Variants in NBEA observed in about 807,000 individuals in gnomAD.
NBEA encodes the protein lysosomal-trafficking regulator 2.
In NBEA, 44 loss-of-function variants were observed where a neutral mutation model predicts 343.4. The ratio of observed to expected loss-of-function variants is 0.13; its 90% CI spans 0.10 to 0.16. The LOEUF (loss-of-function observed/expected upper bound fraction) is 0.16. NBEA is among the 10% of genes least tolerant of loss of function. NBEA has a pLI of 1.00. For synonymous variants in NBEA, 1,175 were observed against 1,238.7 expected, an observed-to-expected ratio of 0.95 and a Z score of 1.08; for missense variants, 2,555 against 3,631.3, an observed-to-expected ratio of 0.70 and a Z score of 7.62.
intron 45 of NBEA, among the ~76,000 whole-genome samples, chr13:35,570,665 G>A (rs886332443): frequency 6.6e-5 from 10 of 152,130 alleles, no homozygotes; most frequent in African/African-American, 2.4e-4. Flanking sequence ...AAAGCCTCTT[G>A]ATATGTTAAT....
chr13:35,667,481 T>A lies in NBEA; in HGVS notation c.8572T>A (p.Cys2858Ser). The change falls in exon 57 of 59, where the codon TGT (cysteine) becomes AGT (serine). Residue 2858 changes from cysteine to serine, a missense_variant. Physicochemically the swap from Cys to Ser is moderately radical, Grantham distance 112. Coordinates refer to ENST00000379939, the MANE Select transcript of NBEA (RefSeq NM_001385012.1). Reference sequence around the variant, plus strand: ...GATATCTGTCTCCAGCGAAGGCCACTGTATCATATACTATGAACGAGGGCG... The same window carrying A: ...GATATCTGTCTCCAGCGAAGGCCACAGTATCATATACTATGAACGAGGGCG... ...RLISVSSEGH[C>S]IIYYERGRFS... 6.2e-7 allele frequency: 1 copy of A among 1,614,052 alleles called. No homozygotes were observed.
At chr13:35,537,085 G>T (rs1035398358) in intron 41 of NBEA, among the ~76,000 whole-genome samples, 1 of 152,100 alleles carries the variant, frequency 6.6e-6, no homozygotes, top group Non-Finnish European at 1.5e-5. Context: ...GAGTAAGTAA[G>T]CAGTAGTGTC....
chr13:35,426,937 C>T (rs2044719133), intron 38 of NBEA, among the ~76,000 whole-genome samples: 1 of 152,190 alleles, frequency 6.6e-6, no homozygotes. Flanking sequence ...GCTACTGAGG[C>T]TTCTGCATTC....
At chr13:35,237,396 T>C (rs1209127107) in intron 34 of NBEA, among the ~76,000 whole-genome samples, 1 of 152,202 alleles carries the variant, frequency 6.6e-6, no homozygotes, top group Admixed American at 6.5e-5. Context: ...TAGAAATGTA[T>C]GTCCTTTTAT....
intron 41 of NBEA, among the ~76,000 whole-genome samples, chr13:35,514,897 G>A (rs1474056854): frequency 6.6e-6 from 1 of 152,178 alleles, no homozygotes; most frequent in Non-Finnish European, 1.5e-5. Flanking sequence ...ACAAAAACCT[G>A]TGTTACCTTT....
chr13:35,610,497 A>T (rs2082463248), intron 48 of NBEA, among the ~76,000 whole-genome samples: 1 of 92,134 alleles, frequency 1.1e-5, no homozygotes, highest in African/African-American at 4.1e-5. Flanking sequence ...TCTATATCCA[A>T]AAAAAAGGAA....
At chr13:35,434,603 A>G (rs999662136) in intron 39 of NBEA, among the ~76,000 whole-genome samples, 9 of 152,218 alleles carry the variant, frequency 5.9e-5, no homozygotes, top group Admixed American at 4.6e-4. Flanking sequence ...TTTATCTCCA[A>G]AAACAATTAT....
intron 38 of NBEA, among the ~76,000 whole-genome samples, chr13:35,353,720 G>A (rs1297621919): frequency 6.6e-6 from 1 of 152,060 alleles, no homozygotes; most frequent in Non-Finnish European, 1.5e-5. Flanking sequence ...TTTATTAAGG[G>A]TGACATTGAG....
At chr13:35,078,340 A>G (rs1428918815) in intron 10 of NBEA, among the ~76,000 whole-genome samples, 1 of 152,212 alleles carries the variant, frequency 6.6e-6, no homozygotes, top group Non-Finnish European at 1.5e-5. Context: ...TCATAAAACA[A>G]CAAAAGTTAA....
intron 35 of NBEA, among the ~76,000 whole-genome samples, chr13:35,299,943 A>G (rs571624575): frequency 6.6e-6 from 1 of 152,302 alleles, no homozygotes; most frequent in African/African-American, 2.4e-5. Flanking sequence ...TTAGAGTGCT[A>G]GGACAGGGAC....
At chr13:35,204,446 A>T (rs1382123410) in intron 31 of NBEA, among the ~76,000 whole-genome samples, 1 of 152,122 alleles carries the variant, frequency 6.6e-6, no homozygotes, top group East Asian at 1.9e-4. Flanking sequence ...GAAACCCCTG[A>T]TAAACCCATC....
At chr13:35,156,521 G>A (rs1480841765) in intron 20 of NBEA, among the ~76,000 whole-genome samples, 2 of 152,092 alleles carry the variant, frequency 1.3e-5, no homozygotes, top group African/African-American at 4.8e-5. Flanking sequence ...TTGTAATTGT[G>A]TTGGATTTCC....
At chr13:35,432,113 T>C (rs1465687464) in intron 38 of NBEA, among the ~76,000 whole-genome samples, 156 bp from the exon 39 acceptor site, 1 of 152,030 alleles carries the variant, frequency 6.6e-6, no homozygotes, top group Non-Finnish European at 1.5e-5. Flanking sequence ...TATATATGTA[T>C]ATATATACAC....
intron 38 of NBEA, among the ~76,000 whole-genome samples, chr13:35,405,006 A>G (rs2043201796): frequency 6.6e-6 from 1 of 152,134 alleles, no homozygotes; most frequent in Non-Finnish European, 1.5e-5. Flanking sequence ...AGTAAGAGAG[A>G]TGATACTGGA....
At chr13:35,374,287 T>A (rs1213358756) in intron 38 of NBEA, among the ~76,000 whole-genome samples, 2 of 152,140 alleles carry the variant, frequency 1.3e-5, no homozygotes, top group Non-Finnish European at 2.9e-5. Context: ...GAACACACAT[T>A]CATTGGTTGA....
At chr13:35,155,421 C>T (rs570076326) in intron 18 of NBEA, among the ~76,000 whole-genome samples, 4 of 152,058 alleles carry the variant, frequency 2.6e-5, no homozygotes, top group South Asian at 2.1e-4. Context: ...GTCAGGAGTT[C>T]GAGACCAGCC....
At position 35,432,207 on chromosome 13, in the gene NBEA, A is replaced by T. The variant is rs1028324342; in HGVS notation, c.6180-62A>T. On this transcript the variant is annotated intron_variant, in intron 38 of 58. Coordinates refer to ENST00000379939, the MANE Select transcript of NBEA (RefSeq NM_001385012.1). ...ACAAAATAACTTCAATTTTATAGAA[A>T]AATGTATTTCCAGCTATGCATTGTT... The T allele has an allele frequency of 5.7e-5, 78 of 1,376,768 alleles. No homozygotes were observed. The African/African-American group carries it at 9.2e-4, about 16-fold the overall frequency. 85.3% of individuals were successfully genotyped at this position (1,376,768 alleles called of 1,614,324 possible). A position where few individuals can be genotyped will look rare whatever the true frequency, so the allele number is the denominator to read the frequency against.
intron 38 of NBEA, among the ~76,000 whole-genome samples, chr13:35,412,316 G>A (rs1264612952): frequency 6.6e-6 from 1 of 152,062 alleles, no homozygotes; most frequent in African/African-American, 2.4e-5. Context: ...CCTTTCTTAT[G>A]GTGGAGAACA....
At chr13:35,033,945 G>A (rs566760352) in intron 1 of NBEA, among the ~76,000 whole-genome samples, 13 of 151,478 alleles carry the variant, frequency 8.6e-5, no homozygotes, top group East Asian at 1.9e-4. Flanking sequence ...TCTATCATCC[G>A]CAAACAAGGA....
Sources: gnomAD v4.1 joint callset for allele counts (sites outside exome capture counted in the v4.1 genomes callset) on GRCh38, gnomAD v4.1.1 for gene constraint, MANE v1.5 for transcripts, NCBI Gene and HGNC (gene_info 2026-07-23, HGNC 2026-07-21) for gene names.